Variants in SPIDR observed in about 807,000 individuals in gnomAD.
SPIDR encodes the protein DNA repair-scaffolding protein.
Under a neutral mutation model 104.6 loss-of-function variants are expected in SPIDR, and 93 were observed. That is an observed-to-expected ratio of 0.89 (90% confidence interval 0.75 to 1.06). SPIDR has a LOEUF of 1.06. SPIDR is among the 50% of genes least tolerant of loss of function. The pLI, the probability that SPIDR is intolerant of heterozygous loss-of-function variation, is 0.00. For missense variants in SPIDR, 1,154 were observed against 1,111.2 expected, an observed-to-expected ratio of 1.04 and a Z score of -0.55; for synonymous variants, 431 against 416.9, an observed-to-expected ratio of 1.03 and a Z score of -0.41.
At chr8:47,715,041 A>C (rs2082371436) in intron 16 of SPIDR, among the ~76,000 whole-genome samples, 2 of 152,238 alleles carry the variant, frequency 1.3e-5, no homozygotes, top group African/African-American at 4.8e-5. Context: ...CTAATTTTAG[A>C]ACAAAAACCC....
intron 16 of SPIDR, among the ~76,000 whole-genome samples, chr8:47,725,490 C>T (rs2084089856): frequency 1.3e-5 from 2 of 151,998 alleles, no homozygotes; most frequent in Non-Finnish European, 1.5e-5. Context: ...CTCCTGGGTT[C>T]AAGCGATTCT....
At chr8:47,474,350 A>G (rs1357230629) in intron 8 of SPIDR, among the ~76,000 whole-genome samples, 1 of 152,186 alleles carries the variant, frequency 6.6e-6, no homozygotes, top group East Asian at 1.9e-4. Flanking sequence ...TTGTAGGCTT[A>G]ATAATTTTTC....
intron 11 of SPIDR, among the ~76,000 whole-genome samples, chr8:47,677,181 C>T (rs2076554175): frequency 6.6e-6 from 1 of 152,202 alleles, no homozygotes; most frequent in Non-Finnish European, 1.5e-5. Context: ...CCCCGACCAC[C>T]GACCTCTGTC....
intron 8 of SPIDR, among the ~76,000 whole-genome samples, chr8:47,590,616 T>C (rs1034568122): frequency 4.6e-5 from 7 of 152,204 alleles, no homozygotes; most frequent in South Asian, 2.1e-4. Flanking sequence ...GAAAAAAATA[T>C]GTATTCTGCT....
At chr8:47,597,235 CT>C (rs1172267997) in intron 9 of SPIDR, among the ~76,000 whole-genome samples, 1 of 151,560 alleles carries the variant, frequency 6.6e-6, no homozygotes, top group African/African-American at 2.4e-5. Context: ...TTTTTTTATA[CT>C]TTAAGTTTTA....
chr8:47,701,827 AG>A lies in SPIDR; in HGVS notation c.1881del (p.Gln627HisfsTer8). 6.2e-7 allele frequency: 1 copy of A among 1,614,150 alleles called. No homozygotes were observed. Among genetic ancestry groups the A allele is most frequent in the African/African-American group, 1.3e-5 (1 of 75,040 alleles). ...IDEDPIYKLYQPPVTRCLRDI... is the reference protein window; with the variant it reads ...IDEDPIYKLYXPPVTRCLRDI... ...GAAGACCCCATTTATAAGCTTTACC[AG>A]CCTCCAGTTACCCGCTGCTTAAGAG... On this transcript the variant is annotated frameshift_variant, in exon 13 of 20. Coordinates refer to ENST00000297423, the MANE Select transcript of SPIDR (RefSeq NM_001080394.4). LOFTEE classifies it high-confidence loss of function.
At position 47,458,323 on chromosome 8, in the gene SPIDR, G is replaced by GTATTTTATTTTATTTTATTT. The variant is rs71225684; in HGVS notation, c.1097+17831_1097+17850dup. On this transcript the variant is annotated intron_variant, in intron 8 of 19. Transcript: ENST00000297423. The stretch of plus-strand genomic sequence containing the variant: ...CCTCTTTGGTTAAGCATATTCCTAA[G>GTATTTTATTTTATTTTATTT]TATTTTATTTTATTTTATTTTATTT... Among the ~76,000 whole-genome samples, 305 of 112,264 alleles carry GTATTTTATTTTATTTTATTT rather than the reference G, an allele frequency of 2.7e-3. 6 individuals are homozygous for GTATTTTATTTTATTTTATTT. Among genetic ancestry groups the GTATTTTATTTTATTTTATTT allele is most frequent in the Admixed American group, 0.017 (171 of 10,068 alleles). 73.6% of individuals were successfully genotyped at this position (112,264 alleles called of 152,430 possible).
rs532680932 is a variant in SPIDR at position 47,557,638 on chromosome 8, A to G, written c.1098-38173A>G. 3.7e-4 allele frequency among the ~76,000 whole-genome samples: 57 copies of G among 152,328 alleles called. No homozygotes were observed. The South Asian group carries it at 0.012, about 32-fold the overall frequency. On this transcript the variant is annotated intron_variant, in intron 8 of 19. Coordinates refer to ENST00000297423, the MANE Select transcript of SPIDR (RefSeq NM_001080394.4). The stretch of plus-strand genomic sequence containing the variant: ...AACAGGTGTTGGCTGAACCCTTCCT[A>G]CACAGCCTGAAGACCACACTATGGT...
rs114726341 is a variant in SPIDR at position 47,378,563 on chromosome 8, A to G, written c.526-17813A>G. On this transcript the variant is annotated intron_variant, in intron 5 of 19. Transcript: ENST00000297423. ...CTAGACAGAGCCTGGTACATTGTGT[A>G]TAAGATACTGTGTGGATAGTGGTGG... Among the ~76,000 whole-genome samples, 480 of 152,344 alleles carry G rather than the reference A, an allele frequency of 3.2e-3. 1 individual carries two copies. Among genetic ancestry groups the G allele is most frequent in the African/African-American group, 0.011 (454 of 41,578 alleles).
chr8:47,293,624 T>C (rs1228633550), intron 4 of SPIDR, among the ~76,000 whole-genome samples: 1 of 152,134 alleles, frequency 6.6e-6, no homozygotes, highest in African/African-American at 2.4e-5. Flanking sequence ...TTTTTTGTAT[T>C]TTTAATAGAG....
At chr8:47,499,103 C>A (rs780080083) in intron 8 of SPIDR, among the ~76,000 whole-genome samples, 14 of 152,142 alleles carry the variant, frequency 9.2e-5, no homozygotes, top group Non-Finnish European at 1.6e-4. Flanking sequence ...ATCAGTGAGC[C>A]TTTACTGCTG....
intron 8 of SPIDR, among the ~76,000 whole-genome samples, chr8:47,455,078 T>A (rs1020229172): frequency 6.6e-6 from 1 of 152,138 alleles, no homozygotes; most frequent in East Asian, 1.9e-4. Context: ...GTTGCATAGG[T>A]AAATGTAAAA....
chr8:47,324,077 T>C (rs1007168752), intron 5 of SPIDR, among the ~76,000 whole-genome samples: 5 of 152,186 alleles, frequency 3.3e-5, no homozygotes, highest in Admixed American at 3.3e-4. Context: ...TGTTCTTTTC[T>C]AGAGACCTTA....
intron 10 of SPIDR, among the ~76,000 whole-genome samples, chr8:47,631,626 A>C (rs1337185327): frequency 1.3e-5 from 2 of 152,234 alleles, no homozygotes; most frequent in East Asian, 3.8e-4. Flanking sequence ...GGGACATATA[A>C]AAGAGGAAGG....
intron 11 of SPIDR, among the ~76,000 whole-genome samples, chr8:47,691,369 T>C (rs1182340463): frequency 6.6e-6 from 1 of 151,922 alleles, no homozygotes; most frequent in African/African-American, 2.4e-5. Context: ...TTTGGAAATG[T>C]TTCGTAAGTT....
chr8:47,650,618 T>C (rs1032701283), intron 10 of SPIDR, among the ~76,000 whole-genome samples: 14 of 152,246 alleles, frequency 9.2e-5, no homozygotes, highest in African/African-American at 3.1e-4. Context: ...CTAAAATTCA[T>C]AGGCACCAAA....
chr8:47,538,348 G>A (rs1020575750), intron 8 of SPIDR, among the ~76,000 whole-genome samples: 12 of 151,800 alleles, frequency 7.9e-5, no homozygotes, highest in African/African-American at 1.7e-4. Context: ...GTTCGAGACC[G>A]GCCTGGCCAA....
intron 8 of SPIDR, among the ~76,000 whole-genome samples, chr8:47,505,588 T>C (rs1043612568): frequency 6.6e-6 from 1 of 152,220 alleles, no homozygotes; most frequent in Non-Finnish European, 1.5e-5. Flanking sequence ...GCTTCCCGGG[T>C]GAGGCAGTGC....
rs1428762631 is a variant in SPIDR, at chr8:47,274,307, A to G, written c.34-5555A>G. Among the ~76,000 whole-genome samples the G allele has an allele frequency of 2.6e-5, 4 of 152,306 alleles. No individual in the cohort carries two copies. The East Asian group carries it at 5.8e-4, about 22-fold the overall frequency. On this transcript the variant is annotated intron_variant, in intron 1 of 19. Coordinates refer to ENST00000297423, the MANE Select transcript of SPIDR (RefSeq NM_001080394.4). Reference sequence around the variant, plus strand: ...AGTTCATGAGGAACATTTTTGTTGCACCAGAGTAAATAATTGCTACATATT... The same window carrying G: ...AGTTCATGAGGAACATTTTTGTTGCGCCAGAGTAAATAATTGCTACATATT...
Sources: gnomAD v4.1 joint callset for allele counts (sites outside exome capture counted in the v4.1 genomes callset) on GRCh38, gnomAD v4.1.1 for gene constraint, MANE v1.5 for transcripts, NCBI Gene and HGNC (gene_info 2026-07-23, HGNC 2026-07-21) for gene names.